Variants in IPPK observed in about 807,000 individuals in gnomAD.
IPPK encodes inositol-pentakisphosphate 2-kinase.
A neutral mutation model predicts 64.6 loss-of-function variants in IPPK; 22 were observed. The ratio of observed to expected loss-of-function variants is 0.34; its 90% CI spans 0.24 to 0.49. IPPK has a LOEUF of 0.49. Ranked by LOEUF, IPPK falls within the 20% of genes least tolerant of loss-of-function variation. The probability of loss-of-function intolerance (pLI) is 0.99; values close to 1 mark genes in which losing one functional copy is unlikely to be tolerated. For synonymous variants in IPPK, 262 were observed against 247.2 expected (o/e 1.06, Z -0.56); for missense variants, 532 against 630.7 (o/e 0.84, Z 1.68).
intron 3 of IPPK, 50 bp from the exon 4 acceptor site, chr9:92,652,689 A>G: frequency 3.1e-6 from 3 of 957,656 alleles, no homozygotes; most frequent in Non-Finnish European, 1.6e-6. Context: ...AATGACATGA[A>G]CACAATGCCA....
chr9:92,638,331 G>A (rs1252281392), intron 8 of IPPK, 51 bp from the exon 9 acceptor site: 1 of 1,575,910 alleles, frequency 6.3e-7, no homozygotes, highest in Non-Finnish European at 8.6e-7. Context: ...AAGCTTGTAG[G>A]AAAAGAACTC....
chr9:92,659,206 C>T (rs1260141658), intron 1 of IPPK, among the ~76,000 whole-genome samples: 1 of 152,180 alleles, frequency 6.6e-6, no homozygotes, highest in Non-Finnish European at 1.5e-5. Context: ...AAACAGGTAA[C>T]ACTGACCCCT....
At chr9:92,631,770 T>C (rs1017130827) in intron 11 of IPPK, among the ~76,000 whole-genome samples, 35 of 152,322 alleles carry the variant, frequency 2.3e-4, no homozygotes, top group African/African-American at 7.7e-4. Flanking sequence ...TTTACATATA[T>C]GCGAGTGTGT....
In IPPK at chr9:92,613,242, C is replaced by T; in HGVS notation, c.*2590G>A. On this transcript the variant is annotated 3_prime_UTR_variant, in exon 13 of 13. Coordinates refer to ENST00000287996, the MANE Select transcript of IPPK (RefSeq NM_022755.6). ...ACATTTGCTATTTTCTGCTTAGAAA[C>T]CACACCCTGAAGACGTGCTGTCTAT... is the stretch of plus-strand genomic sequence containing the variant. 1 of 1,491,670 alleles carries T rather than the reference C, an allele frequency of 6.7e-7. No homozygotes were observed. Among genetic ancestry groups the T allele is most frequent in the Non-Finnish European group, 9.3e-7 (1 of 1,075,574 alleles). 92.4% of individuals were successfully genotyped at this position (1,491,670 alleles called of 1,614,324 possible).
In IPPK at chr9:92,619,286, A is replaced by C. The variant is rs963399109; in HGVS notation, c.1250+200T>G. 7.1e-6 allele frequency: 4 copies of C among 565,540 alleles called. No individual in the cohort carries two copies. In the Admixed American group the frequency reaches 1.2e-4, roughly 17 times the overall value. The allele number at this position is 565,540 out of a possible 1,614,324, so 35.0% of individuals were successfully genotyped here. On this transcript the variant is annotated intron_variant, in intron 12 of 12. Coordinates refer to ENST00000287996, the MANE Select transcript of IPPK (RefSeq NM_022755.6). Reference sequence around the variant, plus strand: ...CAATCCTTTTAAGTTATTCTCCATAAATCTGTCTTTTGACTGAATTACAAG... The same window carrying C: ...CAATCCTTTTAAGTTATTCTCCATACATCTGTCTTTTGACTGAATTACAAG...
chr9:92,650,668 A>T (rs933424659), intron 4 of IPPK, among the ~76,000 whole-genome samples: 1 of 152,156 alleles, frequency 6.6e-6, no homozygotes, highest in African/African-American at 2.4e-5. Context: ...AAACATAACC[A>T]TAAGTAAAAC....
intron 3 of IPPK, among the ~76,000 whole-genome samples, chr9:92,653,553 G>A (rs549256063): frequency 1.3e-5 from 2 of 152,318 alleles, no homozygotes; most frequent in South Asian, 2.1e-4. Flanking sequence ...GTAAACATTC[G>A]AAAATTTGTA....
intron 11 of IPPK, among the ~76,000 whole-genome samples, chr9:92,621,578 A>G (rs2131419173): frequency 7.3e-6 from 1 of 136,652 alleles, no homozygotes; most frequent in South Asian, 2.2e-4. Flanking sequence ...CAGTGGTACC[A>G]TCACAGCTCA....
intron 9 of IPPK, among the ~76,000 whole-genome samples, chr9:92,636,446 G>A (rs936628024): frequency 1.7e-4 from 26 of 151,968 alleles, no homozygotes; most frequent in African/African-American, 6.0e-4. Context: ...AGACCAGCCC[G>A]GACAACATGG....
intron 6 of IPPK, among the ~76,000 whole-genome samples, chr9:92,647,760 G>T (rs1341814498): frequency 6.6e-6 from 1 of 151,898 alleles, no homozygotes; most frequent in Non-Finnish European, 1.5e-5. Context: ...CACGGGCCGG[G>T]CGCAGTGGCT....
rs73528025 is a variant in IPPK, at chr9:92,635,808, T to C, written c.917-500A>G. On this transcript the variant is annotated intron_variant, in intron 9 of 12. Coordinates refer to ENST00000287996, the MANE Select transcript of IPPK (RefSeq NM_022755.6). This position sits in a 1 kb window ranked among gnomAD's most constrained non-coding sequence, Gnocchi z 4.4. ...CTCATTGCAACTGCAAGGCAAGGAA[T>C]TTCTAAGATCCTGCTGACATCCTAA... Among the ~76,000 whole-genome samples, 852 of 151,910 alleles carry C rather than the reference T, an allele frequency of 5.6e-3. 12 individuals carry two copies. The highest frequency in any genetic ancestry group is 0.019 in the African/African-American group (800 of 41,400).
intron 11 of IPPK, among the ~76,000 whole-genome samples, chr9:92,633,081 G>A (rs1369737748): frequency 6.6e-6 from 1 of 151,718 alleles, no homozygotes; most frequent in South Asian, 2.1e-4. Context: ...TGCAATCTTG[G>A]CTCACTGCAA....
intron 7 of IPPK, among the ~76,000 whole-genome samples, chr9:92,641,794 G>A (rs569799128): frequency 6.6e-5 from 10 of 152,310 alleles, no homozygotes; most frequent in Non-Finnish European, 1.5e-4. Flanking sequence ...GCAGGGGCAC[G>A]AAATGAATGG....
intron 6 of IPPK, 24 bp from the exon 7 acceptor site, chr9:92,642,834 C>T: frequency 6.2e-7 from 1 of 1,600,332 alleles, no homozygotes; most frequent in Admixed American, 1.7e-5. Flanking sequence ...AACAGGAGGG[C>T]ATGAGGTGAC....
chr9:92,629,525 G>A (rs1218652819), intron 11 of IPPK, among the ~76,000 whole-genome samples: 3 of 152,046 alleles, frequency 2.0e-5, no homozygotes, highest in Non-Finnish European at 2.9e-5. Flanking sequence ...GCCGAGGTGG[G>A]TGGATCACTT....
rs775684626 is a variant in IPPK at position 92,613,937 on chromosome 9, C to T, written c.*1895G>A. 2 of 152,224 alleles carry T rather than the reference C, an allele frequency of 1.3e-5. No homozygotes were observed. The highest frequency in any genetic ancestry group is 2.4e-5 in the African/African-American group (1 of 41,444). The allele number at this position is 152,224 out of a possible 1,614,324, so 9.4% of individuals were successfully genotyped here. A position where few individuals can be genotyped will look rare whatever the true frequency, so the allele number is the denominator to read the frequency against. On this transcript the variant is annotated 3_prime_UTR_variant, in exon 13 of 13. Transcript: ENST00000287996. ...AAACCAGTCAGGGCCGTCATGACTA[C>T]GCAGCAGCAGCAGTTTCCAAGACGG...
intron 11 of IPPK, among the ~76,000 whole-genome samples, chr9:92,633,368 C>CA (rs777862993): frequency 0.05 from 6,467 of 128,922 alleles, 179 homozygotes; most frequent in Middle Eastern, 0.1. Context: ...TGTAAAATAC[C>CA]AAAAAAAAAA....
rs3802382 is a variant in IPPK at position 92,614,770 on chromosome 9, C to G, written c.*1062G>C. The G allele has an allele frequency of 9.2e-5, 14 of 152,716 alleles. No individual in the cohort carries two copies. The East Asian group carries it at 2.7e-3, about 29-fold the overall frequency. 9.5% of individuals were successfully genotyped at this position (152,716 alleles called of 1,614,324 possible). A position where few individuals can be genotyped will look rare whatever the true frequency, so the allele number is the denominator to read the frequency against. On this transcript the variant is annotated 3_prime_UTR_variant, in exon 13 of 13. Transcript: ENST00000287996. ...CCTAGCATAGAATAAAAAACTGAAA[C>G]CAAGATTCCCAACGTTTTTCATAGC...
intron 6 of IPPK, 91 bp from the exon 7 acceptor site, chr9:92,642,901 G>C (rs1852080483): frequency 2.0e-6 from 2 of 1,019,036 alleles, no homozygotes; most frequent in Non-Finnish European, 3.1e-6. Context: ...CAGTGATGAA[G>C]ACAATGAAGA....
Sources: gnomAD v4.1 joint callset for allele counts (sites outside exome capture counted in the v4.1 genomes callset) on GRCh38, gnomAD v4.1.1 for gene constraint, Gnocchi (gnomAD v3.1) non-coding constraint, MANE v1.5 for transcripts, NCBI Gene and HGNC (gene_info 2026-07-23, HGNC 2026-07-21) for gene names.